Variants in GABPA observed in about 807,000 individuals in gnomAD.
GABPA encodes GA-binding protein alpha chain.
A neutral mutation model predicts 59.4 loss-of-function variants in GABPA; 4 were observed. The observed-to-expected ratio is 0.07, with a 90% CI of 0.03 to 0.15. GABPA has a LOEUF of 0.15. Ranked by LOEUF, GABPA falls within the 10% of genes least tolerant of loss-of-function variation. The pLI, the probability that GABPA is intolerant of heterozygous loss-of-function variation, is 1.00. For synonymous variants in GABPA, 164 were observed against 183.1 expected, an observed-to-expected ratio of 0.90 and a Z score of 0.84; for missense variants, 251 against 543.8, an observed-to-expected ratio of 0.46 and a Z score of 5.36.
At chr21:25,753,040 TA>T (rs2035552034) in intron 5 of GABPA, among the ~76,000 whole-genome samples, 1 of 152,178 alleles carries the variant, frequency 6.6e-6, no homozygotes, top group Non-Finnish European at 1.5e-5. Flanking sequence ...TCTTGGTGAC[TA>T]AAACAGTAAT....
Position 25,735,474 on chromosome 21 carries a change from C to G in GABPA, c.-131C>G, listed in dbSNP as rs1459732547. ...GACCTCACACTTCTAGTCGCGGGAG[C>G]TGCAGGTCTTACCCGGAGAGACGCT... On this transcript the variant is annotated 5_prime_UTR_variant, in exon 1 of 10. Transcript: ENST00000400075. 1 of 156,824 alleles carries G rather than the reference C, an allele frequency of 6.4e-6. No individual in the cohort carries two copies. Among genetic ancestry groups the G allele is most frequent in the Non-Finnish European group, 1.4e-5 (1 of 69,960 alleles). 9.7% of individuals were successfully genotyped at this position (156,824 alleles called of 1,614,324 possible).
Position 25,735,109 on chromosome 21 carries a change from C to G in GABPA, c.-496C>G. On this transcript the variant is annotated 5_prime_UTR_variant, in exon 1 of 10. In the 5' UTR this introduces an upstream ATG that the reference lacks. Coordinates refer to ENST00000400075, the MANE Select transcript of GABPA (RefSeq NM_002040.4). The stretch of plus-strand genomic sequence containing the variant: ...GGTCCCCTGGCACAGCCTCCGCCAT[C>G]TTTTCTTCGCCTAATTTGACCCGTT... 1.3e-6 allele frequency: 1 copy of G among 760,002 alleles called. No homozygotes were observed. The highest frequency in any genetic ancestry group is 2.3e-6 in the Non-Finnish European group (1 of 442,162). The allele number at this position is 760,002 out of a possible 1,614,324, so 47.1% of individuals were successfully genotyped here.
intron 1 of GABPA, among the ~76,000 whole-genome samples, chr21:25,736,786 T>C (rs892574966): frequency 6.6e-6 from 1 of 152,240 alleles, no homozygotes; most frequent in Admixed American, 6.5e-5. Context: ...TGTTAATCTT[T>C]CACTGTATGT....
chr21:25,741,252 G>A (rs2035214169), intron 1 of GABPA, among the ~76,000 whole-genome samples: 1 of 151,964 alleles, frequency 6.6e-6, no homozygotes, highest in Non-Finnish European at 1.5e-5. Flanking sequence ...CTCAGCCTCC[G>A]AAGTATTAAT....
chr21:25,755,597 G>GAA (rs2035617246), intron 5 of GABPA, among the ~76,000 whole-genome samples: 6 of 152,066 alleles, frequency 3.9e-5, no homozygotes, highest in Admixed American at 3.9e-4. Context: ...AGTAGAGCAG[G>GAA]GAGGAGGTAG....
At chr21:25,742,642 A>C (rs1054350059) in intron 2 of GABPA, among the ~76,000 whole-genome samples, 1 of 152,094 alleles carries the variant, frequency 6.6e-6, no homozygotes, top group African/African-American at 2.4e-5. Flanking sequence ...AGCCAGATGC[A>C]GTGGCTCATG....
rs1224136295 is a variant in GABPA at position 25,771,538 on chromosome 21, A to T, written c.*2306A>T. The stretch of plus-strand genomic sequence containing the variant: ...GAAACTCATTACTTTGCCTCAAATT[A>T]TATGTAAAATATTTGTTTTACTTAG... On this transcript the variant is annotated 3_prime_UTR_variant, in exon 10 of 10. Coordinates refer to ENST00000400075, the MANE Select transcript of GABPA (RefSeq NM_002040.4). The T allele has an allele frequency of 1.3e-5, 2 of 151,992 alleles. No homozygotes were observed. The highest frequency in any genetic ancestry group is 3.9e-4 in the East Asian group (2 of 5,180). 9.4% of individuals were successfully genotyped at this position (151,992 alleles called of 1,614,324 possible).
chr21:25,764,544 G>A lies in GABPA; in HGVS notation c.944-51G>A, dbSNP rs2035844027. 3.9e-6 allele frequency: 6 copies of A among 1,532,758 alleles called. No homozygotes were observed. In the Middle Eastern group the frequency reaches 9.2e-4, roughly 235 times the overall value. 94.9% of individuals were successfully genotyped at this position (1,532,758 alleles called of 1,614,324 possible). On this transcript the variant is annotated intron_variant, in intron 8 of 9. Coordinates refer to ENST00000400075, the MANE Select transcript of GABPA (RefSeq NM_002040.4). Reference sequence around the variant, plus strand: ...GGGACCAGTTTGTTGTCTTTGCCTTGGGCTAATCTATAACACTATAGCTAA... The same window carrying A: ...GGGACCAGTTTGTTGTCTTTGCCTTAGGCTAATCTATAACACTATAGCTAA...
rs777451017 is a variant in GABPA at position 25,734,975 on chromosome 21, C to A, written c.-630C>A. ...ATGCATTATGGGCCGCCGTTTCAGT[C>A]GGTCGACGCTCACCGGACAGGAAGC... On this transcript the variant is annotated 5_prime_UTR_variant, in exon 1 of 10. Coordinates refer to ENST00000400075, the MANE Select transcript of GABPA (RefSeq NM_002040.4). 5.8e-6 allele frequency: 9 copies of A among 1,563,666 alleles called. No individual in the cohort carries two copies. The East Asian group carries it at 1.4e-4, about 25-fold the overall frequency.
chr21:25,749,986 T>A (rs760487149), intron 4 of GABPA, among the ~76,000 whole-genome samples: 2 of 152,216 alleles, frequency 1.3e-5, no homozygotes, highest in Non-Finnish European at 2.9e-5. Context: ...GTATCTATTA[T>A]TACTACATTG....
At position 25,770,733 on chromosome 21, in the gene GABPA, T is replaced by C. The variant is rs548986804; in HGVS notation, c.*1501T>C. The C allele has an allele frequency of 1.3e-4, 20 of 152,160 alleles. No homozygotes were observed. Among genetic ancestry groups the C allele is most frequent in the African/African-American group, 4.3e-4 (18 of 41,566 alleles). The allele number at this position is 152,160 out of a possible 1,614,324, so 9.4% of individuals were successfully genotyped here. On this transcript the variant is annotated 3_prime_UTR_variant, in exon 10 of 10. Transcript: ENST00000400075. ...GGCAAGATGGCATTGTTAGCAATTC[T>C]GGTAGTGGTTTGGAATGAATCCTAA...
chr21:25,737,057 T>G (rs990304020), intron 1 of GABPA, among the ~76,000 whole-genome samples: 1 of 152,218 alleles, frequency 6.6e-6, no homozygotes, highest in Non-Finnish European at 1.5e-5. Context: ...AAGGGAATGT[T>G]ACACCTATCT....
intron 2 of GABPA, among the ~76,000 whole-genome samples, chr21:25,743,096 T>G (rs1192702116): frequency 6.6e-6 from 1 of 152,192 alleles, no homozygotes; most frequent in East Asian, 1.9e-4. Context: ...CTAGGGTGTC[T>G]GCGTCCAAAG....
At chr21:25,740,697 G>GA (rs1441813678) in intron 1 of GABPA, among the ~76,000 whole-genome samples, 2 of 152,130 alleles carry the variant, frequency 1.3e-5, no homozygotes, top group Admixed American at 6.5e-5. Context: ...AACCACCTCT[G>GA]AAAAAATCAT....
Position 25,771,670 on chromosome 21 carries a change from C to A in GABPA, c.*2438C>A, listed in dbSNP as rs921130705. 5.9e-5 allele frequency: 9 copies of A among 151,770 alleles called. No homozygotes were observed. The highest frequency in any genetic ancestry group is 2.6e-4 in the Admixed American group (4 of 15,252). The allele number at this position is 151,770 out of a possible 1,614,324, so 9.4% of individuals were successfully genotyped here. ...GCTTTGTTTTTATAAATGAATTTTT[C>A]ATAGAATTTACAGTATATTCAAAGG... is the stretch of plus-strand genomic sequence containing the variant. On this transcript the variant is annotated 3_prime_UTR_variant, in exon 10 of 10. Coordinates refer to ENST00000400075, the MANE Select transcript of GABPA (RefSeq NM_002040.4).
chr21:25,749,236 C>A, intron 4 of GABPA, 116 bp downstream of exon 4: 1 of 634,154 alleles, frequency 1.6e-6, no homozygotes, highest in Non-Finnish European at 2.8e-6. Flanking sequence ...GATATAATAG[C>A]CAAAATTCAT....
chr21:25,753,944 A>G (rs1420516707), intron 5 of GABPA, among the ~76,000 whole-genome samples: 1 of 152,124 alleles, frequency 6.6e-6, no homozygotes, highest in Non-Finnish European at 1.5e-5. Context: ...AACCAAACCT[A>G]AAAGATACAC....
At chr21:25,739,656 C>T (rs1323375000) in intron 1 of GABPA, among the ~76,000 whole-genome samples, 3 of 152,156 alleles carry the variant, frequency 2.0e-5, no homozygotes, top group African/African-American at 7.2e-5. Context: ...CTCGCTGTTG[C>T]CCAGGAGGGA....
intron 1 of GABPA, among the ~76,000 whole-genome samples, chr21:25,740,412 T>C (rs2035189316): frequency 6.6e-6 from 1 of 152,262 alleles, no homozygotes. Context: ...GTAGTACGCT[T>C]AGAATAACTA....
Sources: allele counts gnomAD v4.1 joint callset (sites outside exome capture counted in the v4.1 genomes callset), GRCh38; gene constraint gnomAD v4.1.1; transcripts MANE v1.5; gene names NCBI Gene and HGNC (gene_info 2026-07-23, HGNC 2026-07-21).